IARS2: variants seen among roughly 807,000 people sequenced by gnomAD.
IARS2 encodes the protein isoleucyl-tRNA synthetase 2, mitochondrial.
In IARS2, 56 loss-of-function variants were observed where a neutral mutation model predicts 126.3. The observed-to-expected ratio is 0.44, with a 90% CI of 0.36 to 0.55. The LOEUF is 0.55. IARS2 is among the 20% of genes least tolerant of loss of function. The pLI is 0.00. For synonymous variants in IARS2, 407 were observed against 441.1 expected (o/e 0.92, Z 0.97); for missense variants, 1,127 against 1,245.9 (o/e 0.90, Z 1.44).
At position 220,112,466 on chromosome 1, in the gene IARS2, AT is replaced by A. The variant is rs1027650449; in HGVS notation, c.1479+1531del. Among the ~76,000 whole-genome samples, 25 of 151,504 alleles carry A rather than the reference AT, an allele frequency of 1.7e-4. 1 individual carries two copies. Among genetic ancestry groups the A allele is most frequent in the African/African-American group, 5.8e-4 (24 of 41,286 alleles). On this transcript the variant is annotated intron_variant, in intron 11 of 22. Coordinates refer to ENST00000366922, the MANE Select transcript of IARS2 (RefSeq NM_018060.4). Reference sequence around the variant, plus strand: ...CTACTTTTTACCCCTTAACAATTGGATTATTTTAAAGCAAATTCCAGGCACT... The same window carrying A: ...CTACTTTTTACCCCTTAACAATTGGATATTTTAAAGCAAATTCCAGGCACT...
chr1:220,107,805 T>G (rs779201358), intron 10 of IARS2, among the ~76,000 whole-genome samples: 1 of 152,196 alleles, frequency 6.6e-6, no homozygotes, highest in Non-Finnish European at 1.5e-5. Context: ...ACTTGCCTCT[T>G]TCTAGCTTTT....
At chr1:220,110,741 C>A in intron 10 of IARS2, 45 bp from the exon 11 acceptor site, 1 of 1,425,370 alleles carries the variant, frequency 7.0e-7, no homozygotes, top group Non-Finnish European at 9.7e-7. Flanking sequence ...AGGATTTTCA[C>A]AGTACTTTTT....
At chr1:220,146,758 G>C (rs1308869920) in intron 22 of IARS2, among the ~76,000 whole-genome samples, 1 of 152,026 alleles carries the variant, frequency 6.6e-6, no homozygotes, top group Admixed American at 6.6e-5. Flanking sequence ...CGCAACCTCC[G>C]CCTCCCAGAT....
intron 12 of IARS2, among the ~76,000 whole-genome samples, chr1:220,118,758 TGA>T (rs1221037738): frequency 6.6e-6 from 1 of 152,092 alleles, no homozygotes; most frequent in Non-Finnish European, 1.5e-5. Flanking sequence ...CAATATAATT[TGA>T]GTGTTAACTT....
chr1:220,132,814 C>T (rs942841241), intron 14 of IARS2, among the ~76,000 whole-genome samples: 3 of 152,126 alleles, frequency 2.0e-5, no homozygotes, highest in Non-Finnish European at 2.9e-5. Context: ...GCGTGAGCCA[C>T]CGCACCCAGC....
intron 2 of IARS2, among the ~76,000 whole-genome samples, chr1:220,097,655 G>A (rs563255113): frequency 2.6e-5 from 4 of 151,658 alleles, no homozygotes; most frequent in East Asian, 2.0e-4. Flanking sequence ...GAGCCACCAC[G>A]TCTGGCCCCC....
intron 12 of IARS2, among the ~76,000 whole-genome samples, chr1:220,124,803 G>C (rs1367946555): frequency 6.6e-6 from 1 of 152,156 alleles, no homozygotes; most frequent in African/African-American, 2.4e-5. Context: ...GTAAAGTAAA[G>C]GGATGAGGGT....
At chr1:220,094,734 G>A (rs1267983983) in intron 1 of IARS2, among the ~76,000 whole-genome samples, 1 of 152,236 alleles carries the variant, frequency 6.6e-6, no homozygotes, top group African/African-American at 2.4e-5. Context: ...GCGATGCCCA[G>A]TTACCAGCAT....
intron 12 of IARS2, 107 bp from the exon 13 acceptor site, chr1:220,125,130 A>G (rs779141201): frequency 1.5e-4 from 88 of 577,596 alleles, no homozygotes; most frequent in Non-Finnish European, 2.4e-4. Flanking sequence ...TCTTCAAACT[A>G]AGGTTTGAGG....
In IARS2 at chr1:220,123,976, G is replaced by A. The variant is rs557877312; in HGVS notation, c.1641-1261G>A. Among the ~76,000 whole-genome samples, 10 of 152,290 alleles carry A rather than the reference G, an allele frequency of 6.6e-5. No individual in the cohort carries two copies. The South Asian group carries it at 2.1e-3, about 32-fold the overall frequency. On this transcript the variant is annotated intron_variant, in intron 12 of 22. Transcript: ENST00000366922. ...TTTATTAACTCAGTTAATATTCATA[G>A]GAAGTCTCTTCATGATGCTGTTACT...
At chr1:220,113,860 G>A (rs1369043037) in intron 11 of IARS2, among the ~76,000 whole-genome samples, 1 of 152,064 alleles carries the variant, frequency 6.6e-6, no homozygotes, top group Non-Finnish European at 1.5e-5. Flanking sequence ...GTAAAATTAG[G>A]TATATCGCAA....
chr1:220,113,866 C>T (rs565936927), intron 11 of IARS2, among the ~76,000 whole-genome samples: 3 of 152,044 alleles, frequency 2.0e-5, no homozygotes, highest in Non-Finnish European at 2.9e-5. Flanking sequence ...TTAGGTATAT[C>T]GCAATCTTTT....
chr1:220,102,505 G>C lies in IARS2; in HGVS notation c.760G>C (p.Ala254Pro). The change falls in exon 6 of 23, where the codon GCT becomes CCT. Residue 254 changes from alanine (A) to proline (P), a missense_variant. Physicochemically the swap from Ala to Pro is conservative, Grantham distance 27. Coordinates refer to ENST00000366922, the MANE Select transcript of IARS2 (RefSeq NM_018060.4). ...FWSPSSRTAL[A>P]EAELEYNPEH... ...ATTTTTAACCCTTAGGACTGCATTG[G>C]CTGAAGCAGAACTTGAATATAATCC... 6.2e-7 allele frequency: 1 copy of C among 1,613,720 alleles called. No homozygotes were observed. The highest frequency in any genetic ancestry group is 8.5e-7 in the Non-Finnish European group (1 of 1,179,772).
At chr1:220,115,628 CACT>C (rs1265059734) in intron 12 of IARS2, among the ~76,000 whole-genome samples, 2 of 150,828 alleles carry the variant, frequency 1.3e-5, no homozygotes, top group Admixed American at 6.7e-5. Flanking sequence ...GTTTTACAGC[CACT>C]ATCATAATTG....
intron 15 of IARS2, among the ~76,000 whole-genome samples, chr1:220,136,412 G>A (rs909494107): frequency 3.3e-5 from 5 of 152,282 alleles, no homozygotes; most frequent in East Asian, 1.9e-4. Flanking sequence ...GATTACAGGC[G>A]TGAGCCACTG....
chr1:220,139,419 A>G (rs1406149829), intron 18 of IARS2, among the ~76,000 whole-genome samples: 1 of 152,216 alleles, frequency 6.6e-6, no homozygotes, highest in African/African-American at 2.4e-5. Flanking sequence ...TATTTGTCTC[A>G]TAAGATACTT....
intron 17 of IARS2, 40 bp downstream of exon 17, chr1:220,138,083 T>C (rs1343673004): frequency 6.9e-6 from 11 of 1,592,242 alleles, no homozygotes; most frequent in Non-Finnish European, 7.7e-6. Context: ...AGGACAAGTT[T>C]GTCAAATCAT....
Position 220,134,433 on chromosome 1 carries a change from A to G in IARS2, c.1869A>G (p.Glu623=). The G allele has an allele frequency of 2.5e-6, 4 of 1,612,446 alleles. No homozygotes were observed. Among genetic ancestry groups the G allele is most frequent in the Non-Finnish European group, 3.4e-6 (4 of 1,179,388 alleles). The part of the protein sequence containing the change: ...GPDQRADLYL[E]GKDQLGGWFQ... ...ACCAAAGAGCAGATTTGTACTTGGA[A>G]GGAAAAGACCAGCTCGGGGGTTGGT... Residue 623 remains glutamate (E), a synonymous_variant, in exon 15 of 23, where the codon GAA becomes GAG. Coordinates refer to ENST00000366922, the MANE Select transcript of IARS2 (RefSeq NM_018060.4).
chr1:220,119,733 A>G (rs1283320156), intron 12 of IARS2, among the ~76,000 whole-genome samples: 1 of 152,126 alleles, frequency 6.6e-6, no homozygotes, highest in Non-Finnish European at 1.5e-5. Flanking sequence ...ACATAATGAT[A>G]TACAAAAGAA....
Sources: allele counts gnomAD v4.1 joint callset (sites outside exome capture counted in the v4.1 genomes callset), GRCh38; gene constraint gnomAD v4.1.1; transcripts MANE v1.5; gene names NCBI Gene and HGNC (gene_info 2026-07-23, HGNC 2026-07-21).